The following FAM193A variants were observed in gnomAD, a reference collection of about 807,000 sequenced individuals.
FAM193A encodes family with sequence similarity 193 member A, also known as protein FAM193A.
A neutral mutation model predicts 126.5 loss-of-function variants in FAM193A; 22 were observed. The observed-to-expected ratio is 0.17, with a 90% confidence interval of 0.12 to 0.25. The LOEUF (loss-of-function observed/expected upper bound fraction) is 0.25, where lower values mean the gene tolerates loss of function less well. Among genes scored for constraint, FAM193A ranks in the 10% least tolerant of loss-of-function variants. The pLI is 1.00. For missense variants in FAM193A, 1,675 were observed against 1,672.8 expected, an observed-to-expected ratio of 1.00 and a Z score of -0.02; for synonymous variants, 761 against 646.8, an observed-to-expected ratio of 1.18 and a Z score of -2.68.
chr4:2,668,459 C>T (rs34503595), intron 12 of FAM193A, among the ~76,000 whole-genome samples: 5,015 of 152,198 alleles, frequency 0.033, 95 homozygotes, highest in South Asian at 0.075. Flanking sequence ...GATCCACCTA[C>T]CTCAGCCTCC....
chr4:2,688,863 G>A (rs937253306), intron 13 of FAM193A, among the ~76,000 whole-genome samples: 1 of 152,258 alleles, frequency 6.6e-6, no homozygotes, highest in Non-Finnish European at 1.5e-5. Context: ...TGCAGGAGCA[G>A]CCAGATGGCT....
intron 20 of FAM193A, among the ~76,000 whole-genome samples, chr4:2,717,466 A>G (rs1266728213): frequency 6.6e-6 from 1 of 151,882 alleles, no homozygotes; most frequent in Non-Finnish European, 1.5e-5. Context: ...CGTGGTGACA[A>G]GAGCCTGTAA....
At chr4:2,580,684 ACTCT>A (rs757026778) in intron 1 of FAM193A, among the ~76,000 whole-genome samples, 2 of 151,868 alleles carry the variant, frequency 1.3e-5, no homozygotes, top group African/African-American at 2.4e-5. Flanking sequence ...CTGGCTCCTC[ACTCT>A]CTTGCCATGT....
Position 2,651,402 on chromosome 4 carries a change from T to C in FAM193A, c.1311+4570T>C, listed in dbSNP as rs141877695. 1.2e-3 allele frequency among the ~76,000 whole-genome samples: 189 copies of C among 152,240 alleles called. 1 individual carries two copies. The highest frequency in any genetic ancestry group is 4.4e-3 in the African/African-American group (181 of 41,534). On this transcript the variant is annotated intron_variant, in intron 7 of 20. Transcript: ENST00000637812. ...TATAAAGAACAGAGATTTCATTGAT[T>C]CACAGTTCCGCATGGCTGGGGAGGC...
At chr4:2,576,363 G>T (rs1410048083) in intron 1 of FAM193A, among the ~76,000 whole-genome samples, 15 of 152,246 alleles carry the variant, frequency 9.9e-5, no homozygotes, top group Non-Finnish European at 1.8e-4. Flanking sequence ...CTCCCAGAGT[G>T]TGGGGAGTAC....
At chr4:2,726,727 T>A (rs111559823) in intron 20 of FAM193A, among the ~76,000 whole-genome samples, 40 of 139,236 alleles carry the variant, frequency 2.9e-4, no homozygotes, top group Non-Finnish European at 4.9e-4. Context: ...GGGTCAGGGG[T>A]TTGAGACCAT....
chr4:2,636,324 A>C (rs1448281504), intron 5 of FAM193A, among the ~76,000 whole-genome samples: 2 of 152,046 alleles, frequency 1.3e-5, no homozygotes, highest in Admixed American at 1.3e-4. Flanking sequence ...TAGCCTCCCA[A>C]AGTGCTGGAA....
chr4:2,593,947 G>A (rs1379765928), intron 1 of FAM193A, among the ~76,000 whole-genome samples: 22 of 151,776 alleles, frequency 1.4e-4, no homozygotes, highest in Admixed American at 1.1e-3. Flanking sequence ...CATGGTACTC[G>A]GTGGTTTGAG....
rs187162089 is a variant in FAM193A, at chr4:2,667,223, A to C, written c.2079+3935A>C. Among the ~76,000 whole-genome samples the C allele has an allele frequency of 2.2e-3, 338 of 152,334 alleles. 8 individuals carry two copies. The highest frequency in any genetic ancestry group is 0.017 in the South Asian group (81 of 4,824). On this transcript the variant is annotated intron_variant, in intron 12 of 20. Coordinates refer to ENST00000637812, the MANE Select transcript of FAM193A (RefSeq NM_001366318.2). ...CAAGTCTTCTGTATTGTCTTGGTCTATCCAGGCTACCATGTAAGGACAGTA... is the reference window on the plus strand; with the variant it reads ...CAAGTCTTCTGTATTGTCTTGGTCTCTCCAGGCTACCATGTAAGGACAGTA...
chr4:2,565,735 G>A (rs1331333973), intron 1 of FAM193A, among the ~76,000 whole-genome samples: 2 of 152,152 alleles, frequency 1.3e-5, no homozygotes, highest in Non-Finnish European at 2.9e-5. Flanking sequence ...AGCACTAATG[G>A]GTCAGCCTGA....
At chr4:2,588,776 T>A (rs1740369725) in intron 1 of FAM193A, among the ~76,000 whole-genome samples, 1 of 152,214 alleles carries the variant, frequency 6.6e-6, no homozygotes, top group Admixed American at 6.5e-5. Flanking sequence ...GCAAAATGAC[T>A]GGTTACTGTG....
chr4:2,691,108 A>C, intron 15 of FAM193A, 138 bp downstream of exon 15: 1 of 716,168 alleles, frequency 1.4e-6, no homozygotes. Context: ...CTGCCCAAAA[A>C]TGCTCACACA....
At chr4:2,590,859 C>G (rs150512781) in intron 1 of FAM193A, among the ~76,000 whole-genome samples, 1,878 of 151,936 alleles carry the variant, frequency 0.012, 36 homozygotes, top group African/African-American at 0.043. Flanking sequence ...AACCCCGTCT[C>G]TACTAAAAAT....
chr4:2,655,233 T>C (rs1711536020), intron 7 of FAM193A: 6 of 492,374 alleles, frequency 1.2e-5, no homozygotes, highest in Non-Finnish European at 2.2e-5. Flanking sequence ...TAGGCTATCA[T>C]TTAAAAAATA....
intron 1 of FAM193A, among the ~76,000 whole-genome samples, chr4:2,545,576 GCTGGGTGTA>G (rs1171975268): frequency 6.6e-6 from 1 of 152,116 alleles, no homozygotes; most frequent in Non-Finnish European, 1.5e-5. Flanking sequence ...GGGTAGAATT[GCTGGGTGTA>G]CTTCGATTTG....
chr4:2,622,337 G>A (rs1462528335), intron 2 of FAM193A, among the ~76,000 whole-genome samples: 1 of 151,600 alleles, frequency 6.6e-6, no homozygotes, highest in Non-Finnish European at 1.5e-5. Flanking sequence ...GTTAAGTGAT[G>A]GCAGGAGTCC....
intron 13 of FAM193A, among the ~76,000 whole-genome samples, chr4:2,681,229 T>C (rs1316983390): frequency 6.6e-6 from 1 of 152,154 alleles, no homozygotes; most frequent in Non-Finnish European, 1.5e-5. Flanking sequence ...TCTTTTTTTT[T>C]TCTTACTCCA....
chr4:2,707,625 C>T (rs931087059), intron 19 of FAM193A, among the ~76,000 whole-genome samples: 9 of 151,494 alleles, frequency 5.9e-5, no homozygotes, highest in Non-Finnish European at 1.0e-4. Context: ...TAATTTCACC[C>T]GTTTCTTTAA....
At chr4:2,609,553 T>G (rs909727444) in intron 2 of FAM193A, among the ~76,000 whole-genome samples, 2 of 152,240 alleles carry the variant, frequency 1.3e-5, no homozygotes, top group African/African-American at 4.8e-5. Context: ...ACTAAGGAAC[T>G]GGGTTCTCCA....
Sources: gnomAD v4.1 joint callset for allele counts (sites outside exome capture counted in the v4.1 genomes callset) on GRCh38, gnomAD v4.1.1 for gene constraint, MANE v1.5 for transcripts, NCBI Gene and HGNC (gene_info 2026-07-23, HGNC 2026-07-21) for gene names.